Variants in SGTB observed in about 807,000 individuals in gnomAD.
SGTB encodes small glutamine rich tetratricopeptide repeat co-chaperone beta, also known as small glutamine-rich tetratricopeptide repeat-containing protein beta.
A neutral mutation model predicts 43.9 loss-of-function variants in SGTB; 19 were observed. The ratio of observed to expected loss-of-function variants is 0.43; its 90% confidence interval spans 0.30 to 0.63. The LOEUF is 0.63. SGTB is among the 30% of genes least tolerant of loss of function. The pLI, the probability that SGTB is intolerant of heterozygous loss-of-function variation, is 0.12. For missense variants in SGTB, 304 were observed against 358.9 expected (o/e 0.85, Z 1.24); for synonymous variants, 116 against 117.3 (o/e 0.99, Z 0.07).
chr5:65,675,783 A>G (rs920236405), intron 8 of SGTB, among the ~76,000 whole-genome samples: 4 of 152,196 alleles, frequency 2.6e-5, no homozygotes, highest in Admixed American at 1.3e-4. Flanking sequence ...TTTTCAGACA[A>G]GCAAATGCCG....
intron 6 of SGTB, among the ~76,000 whole-genome samples, chr5:65,684,056 G>A (rs147344586): frequency 2.0e-5 from 3 of 152,030 alleles, no homozygotes; most frequent in Admixed American, 1.3e-4. Flanking sequence ...AGAGGGGAAC[G>A]CTGGGTAAAG....
chr5:65,718,760 T>G (rs1026974135), intron 2 of SGTB, among the ~76,000 whole-genome samples: 1 of 152,140 alleles, frequency 6.6e-6, no homozygotes, highest in Non-Finnish European at 1.5e-5. Flanking sequence ...CAAAAACAAT[T>G]GGCACCCTTT....
At chr5:65,698,701 T>C (rs181378872) in intron 5 of SGTB, among the ~76,000 whole-genome samples, 41 of 152,008 alleles carry the variant, frequency 2.7e-4, no homozygotes, top group Middle Eastern at 3.4e-3. Flanking sequence ...AAAAAACAAA[T>C]TATCCCACCA....
intron 6 of SGTB, among the ~76,000 whole-genome samples, chr5:65,684,069 A>C (rs946151015): frequency 1.3e-5 from 2 of 151,754 alleles, no homozygotes; most frequent in African/African-American, 4.8e-5. Flanking sequence ...GGGTAAAGGG[A>C]TGGGTCCAAC....
chr5:65,680,524 G>A lies in SGTB; in HGVS notation c.651C>T (p.Ser217=). 3 of 1,614,114 alleles carry A rather than the reference G, an allele frequency of 1.9e-6. No individual in the cohort carries two copies. Among genetic ancestry groups the A allele is most frequent in the Non-Finnish European group, 2.5e-6 (3 of 1,180,018 alleles). Residue 217 remains serine, a synonymous_variant, in exon 8 of 11, where the codon AGC becomes AGT. Transcript: ENST00000381007. ...TGTGLSFDMA[S]LINNPAFISM... ...TAATGAAGGCTGGATTATTTATCAA[G>A]CTAGCCATGTCAAAGCTCAGTCCAG...
intron 6 of SGTB, 113 bp from the exon 7 acceptor site, chr5:65,680,907 C>A: frequency 8.5e-7 from 1 of 1,178,500 alleles, no homozygotes. Flanking sequence ...CCAGATTACA[C>A]TTAATTTATT....
At chr5:65,698,353 T>C (rs1415589120) in intron 5 of SGTB, among the ~76,000 whole-genome samples, 2 of 152,228 alleles carry the variant, frequency 1.3e-5, no homozygotes, top group Non-Finnish European at 1.5e-5. Flanking sequence ...GCATCAAATG[T>C]ACTATACTGC....
intron 3 of SGTB, among the ~76,000 whole-genome samples, chr5:65,709,670 C>T (rs1758008159): frequency 6.6e-6 from 1 of 152,158 alleles, no homozygotes; most frequent in Non-Finnish European, 1.5e-5. Context: ...AGCCACTGCG[C>T]CCGGCCGTGT....
At chr5:65,716,435 G>C (rs1435499345) in intron 2 of SGTB, among the ~76,000 whole-genome samples, 1 of 152,248 alleles carries the variant, frequency 6.6e-6, no homozygotes, top group Non-Finnish European at 1.5e-5. Context: ...TAGAAGCAGA[G>C]AGACCAGTTA....
chr5:65,701,671 C>T (rs930466293), intron 5 of SGTB, among the ~76,000 whole-genome samples: 2 of 138,652 alleles, frequency 1.4e-5, no homozygotes, highest in African/African-American at 5.5e-5. Flanking sequence ...CTCACTCTGT[C>T]GCCCAGGCTG....
At chr5:65,679,644 C>A (rs111883569) in intron 8 of SGTB, among the ~76,000 whole-genome samples, 2,422 of 151,304 alleles carry the variant, frequency 0.016, 57 homozygotes, top group African/African-American at 0.051. Context: ...ACAACAACAA[C>A]AAAAAAAACA....
At chr5:65,701,677 G>A (rs888510235) in intron 5 of SGTB, among the ~76,000 whole-genome samples, 13 of 145,224 alleles carry the variant, frequency 9.0e-5, no homozygotes, top group Non-Finnish European at 1.5e-4. Context: ...CTGTCGCCCA[G>A]GCTGGAGTGC....
At chr5:65,718,486 G>A (rs1342006104) in intron 2 of SGTB, among the ~76,000 whole-genome samples, 1 of 152,312 alleles carries the variant, frequency 6.6e-6, no homozygotes, top group Non-Finnish European at 1.5e-5. Context: ...TAGTGCTAGA[G>A]AGAGTGACAG....
chr5:65,680,913 T>C lies in SGTB; in HGVS notation c.480-119A>G, dbSNP rs935578964. 4 of 1,120,074 alleles carry C rather than the reference T, an allele frequency of 3.6e-6. No individual in the cohort carries two copies. In the African/African-American group the frequency reaches 4.7e-5, roughly 13 times the overall value. 69.4% of individuals were successfully genotyped at this position (1,120,074 alleles called of 1,614,324 possible). On this transcript the variant is annotated intron_variant, in intron 6 of 10. Coordinates refer to ENST00000381007, the MANE Select transcript of SGTB (RefSeq NM_019072.3). ...AGTTCTAATCCAGATTACACTTAAT[T>C]TATTCACTGTACTATGGCTCACGGG...
chr5:65,688,145 G>A (rs572716322), intron 5 of SGTB, among the ~76,000 whole-genome samples: 2 of 152,110 alleles, frequency 1.3e-5, no homozygotes, highest in Non-Finnish European at 2.9e-5. Flanking sequence ...TGAGAGAAAA[G>A]GAGTTAATGG....
intron 5 of SGTB, among the ~76,000 whole-genome samples, chr5:65,701,413 T>G (rs1757815372): frequency 3.7e-5 from 5 of 136,194 alleles, no homozygotes; most frequent in Admixed American, 3.6e-4. Context: ...ATAGAAGTTA[T>G]TTGTCAAGTC....
chr5:65,693,335 A>G (rs1482268752), intron 5 of SGTB, among the ~76,000 whole-genome samples: 2 of 145,024 alleles, frequency 1.4e-5, no homozygotes, highest in Non-Finnish European at 3.0e-5. Flanking sequence ...GAAAGAGGAG[A>G]AGGGAGGGAA....
At chr5:65,708,961 A>G (rs1474662428) in intron 3 of SGTB, among the ~76,000 whole-genome samples, 1 of 152,034 alleles carries the variant, frequency 6.6e-6, no homozygotes, top group African/African-American at 2.4e-5. Flanking sequence ...GGATGGCTTG[A>G]GCCCAGGAGG....
intron 3 of SGTB, among the ~76,000 whole-genome samples, chr5:65,708,860 G>A (rs1757987178): frequency 6.6e-6 from 1 of 151,996 alleles, no homozygotes; most frequent in Non-Finnish European, 1.5e-5. Flanking sequence ...GGGCAATATG[G>A]TGAAACCCCG....
Sources: allele counts gnomAD v4.1 joint callset (sites outside exome capture counted in the v4.1 genomes callset), GRCh38; gene constraint gnomAD v4.1.1; transcripts MANE v1.5; gene names NCBI Gene and HGNC (gene_info 2026-07-23, HGNC 2026-07-21).